Variants in CELF2 observed in about 807,000 individuals in gnomAD.
CELF2 encodes CUGBP Elav-like family member 2.
A neutral mutation model predicts 62.6 loss-of-function variants in CELF2; 8 were observed. The observed-to-expected ratio is 0.13, with a 90% CI of 0.07 to 0.23. The LOEUF is 0.23. Among genes scored for constraint, CELF2 ranks in the 10% least tolerant of loss-of-function variants. The probability of loss-of-function intolerance (pLI) is 1.00; values close to 1 mark genes in which losing one functional copy is unlikely to be tolerated. For missense variants in CELF2, 333 were observed against 671.0 expected (o/e 0.50, Z 5.56); for synonymous variants, 258 against 250.0 (o/e 1.03, Z -0.30).
the CELF2 span, among the ~76,000 whole-genome samples, chr10:10,499,703 T>A: frequency 2.0e-5 from 3 of 151,986 alleles, no homozygotes; most frequent in Non-Finnish European, 2.9e-5. Context: ...CGTGGTGAAA[T>A]CCTATCTCCA....
chr10:11,014,423 A>G (rs1184819655), upstream of CELF2, among the ~76,000 whole-genome samples: 4 of 152,254 alleles, frequency 2.6e-5, no homozygotes, highest in African/African-American at 9.6e-5. Flanking sequence ...GTTGGGTTAT[A>G]AACATGGGTC....
At chr10:11,295,334 G>C (rs1217009998) in intron 9 of CELF2, among the ~76,000 whole-genome samples, 3 of 152,158 alleles carry the variant, frequency 2.0e-5, no homozygotes, top group Non-Finnish European at 2.9e-5. Context: ...TTCTCTTCTA[G>C]CATCAGCTTT....
the CELF2 span, among the ~76,000 whole-genome samples, chr10:10,758,271 T>A: frequency 6.6e-6 from 1 of 152,224 alleles, no homozygotes; most frequent in South Asian, 2.1e-4. Context: ...TGCATCCAGC[T>A]ATTCTCTGTG....
At chr10:10,699,850 T>G in the CELF2 span, among the ~76,000 whole-genome samples, 1 of 152,220 alleles carries the variant, frequency 6.6e-6, no homozygotes, top group African/African-American at 2.4e-5. Context: ...ATGTCTCTGG[T>G]GGCCTATTGT....
intron 4 of CELF2, among the ~76,000 whole-genome samples, chr10:11,254,627 G>A (rs1262194398): frequency 1.3e-5 from 2 of 152,172 alleles, no homozygotes; most frequent in African/African-American, 2.4e-5. Context: ...TCTCCCTGAA[G>A]CTCAAAACCT....
At chr10:11,182,401 A>G (rs957735795) in intron 2 of CELF2, among the ~76,000 whole-genome samples, 1 of 152,168 alleles carries the variant, frequency 6.6e-6, no homozygotes, top group African/African-American at 2.4e-5. Context: ...TTATGAGGCT[A>G]TGAAAACTCC....
At chr10:11,231,043 G>T (rs2068462668) in intron 3 of CELF2, among the ~76,000 whole-genome samples, 1 of 152,196 alleles carries the variant, frequency 6.6e-6, no homozygotes, top group South Asian at 2.1e-4. Flanking sequence ...TGCTAGAGTG[G>T]AATATACTAT....
rs1304615222 is a variant in CELF2 at position 11,314,006 on chromosome 10, CAT to C, written c.977-132_977-131del. Reference sequence around the variant, plus strand: ...CAAAATTGCCACAAGTACAATCCCACATGTCCTTCACCCAAAGCCACAAGCAC... The same window carrying C: ...CAAAATTGCCACAAGTACAATCCCACGTCCTTCACCCAAAGCCACAAGCAC... On this transcript the variant is annotated intron_variant, in intron 9 of 12. Coordinates refer to ENST00000633077, the MANE Select transcript of CELF2 (RefSeq NM_001326342.2). This position sits in a 1 kb window ranked among gnomAD's most constrained non-coding sequence, Gnocchi z 5.3. The C allele has an allele frequency of 2.2e-6, 2 of 903,380 alleles. No homozygotes were observed. The highest frequency in any genetic ancestry group is 1.7e-6 in the Non-Finnish European group (1 of 581,630). 56.0% of individuals were successfully genotyped at this position (903,380 alleles called of 1,614,324 possible).
the CELF2 span, among the ~76,000 whole-genome samples, chr10:10,543,799 G>T: frequency 3.3e-5 from 5 of 152,142 alleles, no homozygotes; most frequent in African/African-American, 2.4e-5. Flanking sequence ...AGACTATAAT[G>T]CCCCCTCTCC....
chr10:10,539,791 A>T, the CELF2 span, among the ~76,000 whole-genome samples: 1 of 152,256 alleles, frequency 6.6e-6, no homozygotes, highest in Non-Finnish European at 1.5e-5. Context: ...CATTTGAAAT[A>T]GCACAGGAAA....
the CELF2 span, among the ~76,000 whole-genome samples, chr10:10,526,853 G>C: frequency 6.6e-6 from 1 of 152,206 alleles, no homozygotes. Context: ...GGAGGTCACA[G>C]GCTGAACAAC....
At chr10:11,044,834 A>G (rs899770552) in intron 1 of CELF2, among the ~76,000 whole-genome samples, 3 of 152,204 alleles carry the variant, frequency 2.0e-5, no homozygotes, top group Non-Finnish European at 4.4e-5. Context: ...AATCTTATCT[A>G]AAACATGATA....
intron 1 of CELF2, among the ~76,000 whole-genome samples, chr10:11,006,915 C>T (rs531144393): frequency 6.6e-6 from 1 of 152,294 alleles, no homozygotes; most frequent in South Asian, 2.1e-4. Context: ...AACAGTGAAG[C>T]TTTCGACAGA....
At chr10:10,660,315 G>A in the CELF2 span, among the ~76,000 whole-genome samples, 2 of 152,172 alleles carry the variant, frequency 1.3e-5, no homozygotes, top group Non-Finnish European at 2.9e-5. Flanking sequence ...TAAAGTGGAG[G>A]CTCAAAAAGG....
intron 2 of CELF2, among the ~76,000 whole-genome samples, chr10:10,969,633 T>A (rs1278275267): frequency 6.6e-6 from 1 of 152,146 alleles, no homozygotes; most frequent in Non-Finnish European, 1.5e-5. Flanking sequence ...TGCACACTTA[T>A]TATTCAGGCA....
At chr10:10,758,797 A>C in the CELF2 span, among the ~76,000 whole-genome samples, 1 of 152,234 alleles carries the variant, frequency 6.6e-6, no homozygotes, top group East Asian at 1.9e-4. Flanking sequence ...GCAATGAAAT[A>C]AGTCATCCAG....
At chr10:11,148,969 C>T (rs1464381589) in intron 1 of CELF2, among the ~76,000 whole-genome samples, 1 of 152,218 alleles carries the variant, frequency 6.6e-6, no homozygotes, top group Non-Finnish European at 1.5e-5. Context: ...GGACCTTGCT[C>T]TGAGCTGGAA....
intron 1 of CELF2, among the ~76,000 whole-genome samples, chr10:11,031,925 T>C (rs2060174709): frequency 3.3e-5 from 5 of 152,110 alleles, no homozygotes; most frequent in Admixed American, 3.3e-4. Flanking sequence ...ATTACCCTTT[T>C]AGCGCTTCAT....
rs915116406 is a variant in CELF2, at chr10:11,333,752, ATTGT to A, written c.*4706_*4709del. On this transcript the variant is annotated 3_prime_UTR_variant, in exon 13 of 13. Coordinates refer to ENST00000633077, the MANE Select transcript of CELF2 (RefSeq NM_001326342.2). Reference sequence around the variant, plus strand: ...GTGGAAACTGTAAGACCATTTGAGTATTGTTTGTTTTATTGATGCATTTGGATTT... The same window carrying A: ...GTGGAAACTGTAAGACCATTTGAGTATTGTTTTATTGATGCATTTGGATTT... 11 of 152,472 alleles carry A rather than the reference ATTGT, an allele frequency of 7.2e-5. No individual in the cohort carries two copies. The highest frequency in any genetic ancestry group is 2.1e-4 in the South Asian group (1 of 4,826). 9.4% of individuals were successfully genotyped at this position (152,472 alleles called of 1,614,324 possible).
Sources: gnomAD v4.1 joint callset for allele counts (sites outside exome capture counted in the v4.1 genomes callset) on GRCh38, gnomAD v4.1.1 for gene constraint, Gnocchi (gnomAD v3.1) non-coding constraint, MANE v1.5 for transcripts, NCBI Gene and HGNC (gene_info 2026-07-23, HGNC 2026-07-21) for gene names.